The following GBF1 variants were observed in gnomAD, a reference collection of about 807,000 sequenced individuals.
GBF1 encodes the protein golgi brefeldin A resistant guanine nucleotide exchange factor 1.
A neutral mutation model predicts 210.5 loss-of-function variants in GBF1; 114 were observed. The ratio of observed to expected loss-of-function variants is 0.54; its 90% CI spans 0.47 to 0.63. The LOEUF (loss-of-function observed/expected upper bound fraction) is 0.63, where lower values mean the gene tolerates loss of function less well. Ranked by LOEUF, GBF1 falls within the 30% of genes least tolerant of loss-of-function variation. The probability of loss-of-function intolerance (pLI) is 0.00; values close to 1 mark genes in which losing one functional copy is unlikely to be tolerated. For synonymous variants in GBF1, 850 were observed against 889.2 expected (o/e 0.96, Z 0.78); for missense variants, 1,851 against 2,357.7 (o/e 0.79, Z 4.45).
chr10:102,374,267 T>C (rs1293557497), intron 29 of GBF1, among the ~76,000 whole-genome samples: 1 of 151,942 alleles, frequency 6.6e-6, no homozygotes, highest in Non-Finnish European at 1.5e-5. Context: ...GGAGAATCAC[T>C]TGAACATGGG....
At chr10:102,231,938 C>T in the GBF1 span, 4 of 1,586,342 alleles carry the variant, frequency 2.5e-6, no homozygotes, top group African/African-American at 2.7e-5. Flanking sequence ...TTATGTCCTG[C>T]ACCCCCGGAA....
At chr10:102,296,882 TA>T (rs767853946) in intron 3 of GBF1, among the ~76,000 whole-genome samples, 1 of 151,786 alleles carries the variant, frequency 6.6e-6, no homozygotes, top group Non-Finnish European at 1.5e-5. Flanking sequence ...CCGTCTCTAC[TA>T]AAAATACAAA....
chr10:102,356,302 A>G (rs2059284532), intron 8 of GBF1, among the ~76,000 whole-genome samples: 1 of 152,176 alleles, frequency 6.6e-6, no homozygotes, highest in Non-Finnish European at 1.5e-5. Flanking sequence ...GCAGAGAGAA[A>G]AAGTGCTTCT....
chr10:102,375,272 G>A, intron 29 of GBF1, 87 bp from the exon 30 acceptor site: 1 of 796,844 alleles, frequency 1.3e-6, no homozygotes, highest in African/African-American at 1.7e-5. Flanking sequence ...CTGGCCTAAG[G>A]AGACTGGTGG....
chr10:102,353,465 G>A (rs2059123280), intron 7 of GBF1, 135 bp from the exon 8 acceptor site: 1 of 719,250 alleles, frequency 1.4e-6, no homozygotes, highest in Admixed American at 2.3e-5. Flanking sequence ...GATGAAATTA[G>A]TCTGCTTCTC....
chr10:102,327,908 C>G (rs1484675780), intron 3 of GBF1, among the ~76,000 whole-genome samples: 1 of 152,186 alleles, frequency 6.6e-6, no homozygotes, highest in Non-Finnish European at 1.5e-5. Context: ...AAATTGTTTT[C>G]CAACCCTTTG....
chr10:102,374,359 G>A (rs2060374965), intron 29 of GBF1, among the ~76,000 whole-genome samples: 1 of 143,846 alleles, frequency 7.0e-6, no homozygotes, highest in Admixed American at 7.0e-5. Context: ...AAAAAAAAAA[G>A]AATTTGAAGA....
At chr10:102,362,119 C>T (rs1183411371) in intron 14 of GBF1, among the ~76,000 whole-genome samples, 24 of 138,270 alleles carry the variant, frequency 1.7e-4, no homozygotes, top group African/African-American at 8.2e-5. Flanking sequence ...TGCAGTGGCG[C>T]GATCTCGGCT....
At chr10:102,258,788 AAAAAAAG>A in intron 1 of GBF1, 134 bp from the exon 2 acceptor site, 1 of 518,174 alleles carries the variant, frequency 1.9e-6, no homozygotes, top group East Asian at 3.3e-5. Context: ...AAAAAAAAAA[AAAAAAAG>A]AAAGAAAGAA....
At position 102,381,008 on chromosome 10, in the gene GBF1, C is replaced by T. The variant is rs1227637673; in HGVS notation, c.5174-119C>T. 4.1e-6 allele frequency: 4 copies of T among 980,652 alleles called. No individual in the cohort carries two copies. In the Admixed American group the frequency reaches 7.0e-5, roughly 17 times the overall value. The allele number at this position is 980,652 out of a possible 1,614,324, so 60.7% of individuals were successfully genotyped here. Reference sequence around the variant, plus strand: ...AGATTCCATCTCAAAAAAAAAAAGTCCCCAAAGCTGAATTTATTGTCTGTG... The same window carrying T: ...AGATTCCATCTCAAAAAAAAAAAGTTCCCAAAGCTGAATTTATTGTCTGTG... On this transcript the variant is annotated intron_variant, in intron 38 of 39. Transcript: ENST00000369983.
Position 102,361,768 on chromosome 10 carries a change from G to A in GBF1, c.1542G>A (p.Met514Ile), listed in dbSNP as rs1259809356. 1 of 1,613,126 alleles carries A rather than the reference G, an allele frequency of 6.2e-7. No homozygotes were observed. Reference protein sequence around the residue: ...MEIITVENPKMPYEMKEMALE... With the variant: ...MEIITVENPKIPYEMKEMALE... ...TCATCACTGTGGAGAACCCCAAGATGCCTTATGAGATGAAGGAGATGGCAC... is the reference window on the plus strand; with the variant it reads ...TCATCACTGTGGAGAACCCCAAGATACCTTATGAGATGAAGGAGATGGCAC... Residue 514 changes from methionine to isoleucine, a missense_variant, in exon 14 of 40, where the codon ATG (methionine) becomes ATA (isoleucine). Around this residue, in one of 3 missense-constraint regions of GBF1, gnomAD observed 804 missense variants for 958.6 expected, o/e 0.84. Transcript: ENST00000369983.
At chr10:102,255,689 T>G (rs1173353454) in intron 1 of GBF1, among the ~76,000 whole-genome samples, 2 of 152,216 alleles carry the variant, frequency 1.3e-5, no homozygotes, top group African/African-American at 4.8e-5. Flanking sequence ...AGGAAAGATT[T>G]AATCTTTTCT....
At chr10:102,260,970 G>C (rs1165520509) in intron 3 of GBF1, among the ~76,000 whole-genome samples, 1 of 151,986 alleles carries the variant, frequency 6.6e-6, no homozygotes, top group Admixed American at 6.6e-5. Context: ...CATATGTTTA[G>C]AATTTTCAAA....
intron 3 of GBF1, among the ~76,000 whole-genome samples, chr10:102,313,364 C>T (rs1048611345): frequency 1.3e-5 from 2 of 152,188 alleles, no homozygotes; most frequent in Admixed American, 6.5e-5. Flanking sequence ...CAAAACCAGC[C>T]GCTCTGTGGG....
chr10:102,254,451 A>G (rs2072048682), intron 1 of GBF1, among the ~76,000 whole-genome samples: 1 of 152,180 alleles, frequency 6.6e-6, no homozygotes, highest in Admixed American at 6.6e-5. Context: ...AAATAACCTG[A>G]GATATATTTT....
intron 1 of GBF1, among the ~76,000 whole-genome samples, chr10:102,257,630 G>A (rs1458935852): frequency 2.0e-5 from 3 of 151,914 alleles, no homozygotes. Context: ...CAGCCTTTAC[G>A]CTGACATTGC....
chr10:102,341,950 AT>A (rs1404962112), intron 3 of GBF1, among the ~76,000 whole-genome samples: 1 of 152,066 alleles, frequency 6.6e-6, no homozygotes, highest in Non-Finnish European at 1.5e-5. Flanking sequence ...AATATACCTC[AT>A]GACCACTTTT....
At chr10:102,367,957 T>G (rs1236671768) in intron 21 of GBF1, among the ~76,000 whole-genome samples, 3 of 152,230 alleles carry the variant, frequency 2.0e-5, no homozygotes, top group Non-Finnish European at 4.4e-5. Flanking sequence ...AAGGTAGAAT[T>G]GTTCATTTTA....
chr10:102,331,920 C>T (rs893349270), intron 3 of GBF1, among the ~76,000 whole-genome samples: 6 of 133,094 alleles, frequency 4.5e-5, no homozygotes, highest in East Asian at 4.5e-4. Context: ...AGTGCAGTGG[C>T]GCAGTCTTGG....
Sources: gnomAD v4.1 joint callset for allele counts (sites outside exome capture counted in the v4.1 genomes callset) on GRCh38, gnomAD v4.1.1 for gene constraint, gnomAD v4.1.1 regional missense constraint, MANE v1.5 for transcripts, NCBI Gene and HGNC (gene_info 2026-07-23, HGNC 2026-07-21) for gene names.